Variants in AASS observed in about 807,000 individuals in gnomAD.
The protein encoded by AASS is alpha-aminoadipic semialdehyde synthase, mitochondrial.
A neutral mutation model predicts 105.4 loss-of-function variants in AASS; 86 were observed. That is an observed-to-expected ratio of 0.82 (90% confidence interval 0.69 to 0.98). AASS has a LOEUF of 0.98. Ranked by LOEUF, AASS falls within the 50% of genes least tolerant of loss-of-function variation. AASS has a pLI of 0.00. For missense variants in AASS, 1,048 were observed against 1,143.2 expected, an observed-to-expected ratio of 0.92 and a Z score of 1.20; for synonymous variants, 381 against 394.8, an observed-to-expected ratio of 0.96 and a Z score of 0.41.
intron 19 of AASS, among the ~76,000 whole-genome samples, chr7:122,083,806 G>A (rs905694102): frequency 6.6e-6 from 1 of 152,004 alleles, no homozygotes; most frequent in Non-Finnish European, 1.5e-5. Flanking sequence ...GGCAGAGAAG[G>A]AGAGTGGTCA....
intron 1 of AASS, among the ~76,000 whole-genome samples, chr7:122,142,870 G>A (rs1796466462): frequency 6.6e-6 from 1 of 152,098 alleles, no homozygotes. Context: ...AACGACTAGT[G>A]AGAAAAAAAA....
In AASS at chr7:122,076,557, CAT is replaced by C. The variant is rs752474166; in HGVS notation, c.2711_2712del (p.Tyr904TrpfsTer8). ...GCTTTAATTCGCTCCAATATTGGTC[CAT>C]AGATCTCCTTTGAAAAGGGCCCCAT... ...GLMGPFSKEIYGPILERIKAE... is the reference protein window; with the variant it reads ...GLMGPFSKEIXGPILERIKAE... On this transcript the variant is annotated frameshift_variant, in exon 24 of 24. Transcript: ENST00000417368. LOFTEE classifies it high-confidence loss of function. 2 of 1,613,724 alleles carry C rather than the reference CAT, an allele frequency of 1.2e-6. No individual in the cohort carries two copies. The highest frequency in any genetic ancestry group is 2.2e-5 in the East Asian group (1 of 44,876).
intron 3 of AASS, among the ~76,000 whole-genome samples, chr7:122,126,905 C>T (rs1053781121): frequency 1.3e-4 from 20 of 152,128 alleles, no homozygotes; most frequent in African/African-American, 4.6e-4. Flanking sequence ...TGAACTATTA[C>T]CTCTTTCTTG....
rs541850337 is a variant in AASS at position 122,082,176 on chromosome 7, ACT to A, written c.2185-583_2185-582del. On this transcript the variant is annotated intron_variant, in intron 19 of 23. Coordinates refer to ENST00000417368, the MANE Select transcript of AASS (RefSeq NM_005763.4). ...TTTTCTAAGATATGATGATATCATC[ACT>A]CTGATAAAAATTCCTCATATGTCCT... 1.6e-3 allele frequency among the ~76,000 whole-genome samples: 237 copies of A among 152,242 alleles called. 1 individual carries two copies. Among genetic ancestry groups the A allele is most frequent in the African/African-American group, 5.3e-3 (220 of 41,548 alleles).
At chr7:122,084,082 C>T (rs1237614222) in intron 19 of AASS, among the ~76,000 whole-genome samples, 2 of 151,962 alleles carry the variant, frequency 1.3e-5, no homozygotes, top group South Asian at 2.1e-4. Flanking sequence ...GCTATATATC[C>T]TAACTGCTGG....
intron 1 of AASS, among the ~76,000 whole-genome samples, chr7:122,135,296 G>A (rs1035132728): frequency 2.0e-5 from 3 of 148,432 alleles, no homozygotes; most frequent in Admixed American, 6.7e-5. Flanking sequence ...AAAACCAATC[G>A]ACCAAACAAA....
At chr7:122,108,691 A>G (rs1456439686) in intron 11 of AASS, among the ~76,000 whole-genome samples, 4 of 152,100 alleles carry the variant, frequency 2.6e-5, no homozygotes, top group Admixed American at 2.6e-4. Flanking sequence ...TAAAAGCCAT[A>G]TTTGACAGAC....
chr7:122,076,201 A>G lies in AASS; in HGVS notation c.*288T>C. ...AAAACAACAACAACAAAAAAAAAAC[A>G]AAAGAAAAAAAGTGGCACAATAAAT... On this transcript the variant is annotated 3_prime_UTR_variant, in exon 24 of 24. Transcript: ENST00000417368. 1 of 332,424 alleles carries G rather than the reference A, an allele frequency of 3.0e-6. No individual in the cohort carries two copies. The highest frequency in any genetic ancestry group is 3.2e-5 in the South Asian group (1 of 30,804). 20.6% of individuals were successfully genotyped at this position (332,424 alleles called of 1,614,324 possible).
intron 15 of AASS, among the ~76,000 whole-genome samples, chr7:122,093,973 G>A (rs955113861): frequency 1.3e-5 from 2 of 151,990 alleles, no homozygotes; most frequent in Non-Finnish European, 2.9e-5. Context: ...TATCTTATGC[G>A]ACCTAACACA....
chr7:122,116,517 G>T, intron 8 of AASS, 116 bp downstream of exon 8: 1 of 1,310,148 alleles, frequency 7.6e-7, no homozygotes, highest in Admixed American at 1.7e-5. Context: ...GATACCCAAA[G>T]GACTCACAAC....
In AASS at chr7:122,075,107, C is replaced by G. The variant is rs141700249; in HGVS notation, c.*1382G>C. Among the ~76,000 whole-genome samples the G allele has an allele frequency of 6.6e-6, 1 of 152,176 alleles. No individual in the cohort carries two copies. The highest frequency in any genetic ancestry group is 2.4e-5 in the African/African-American group (1 of 41,436). ...GTTTCCCAGGCTGGTCTCCTGGCCT[C>G]TAGCAGTCTTTCTGCCTCAGACTCC... On this transcript the variant is annotated 3_prime_UTR_variant, in exon 24 of 24. Transcript: ENST00000417368.
intron 11 of AASS, among the ~76,000 whole-genome samples, chr7:122,107,218 A>T (rs766296380): frequency 2.5e-4 from 38 of 152,166 alleles, no homozygotes; most frequent in Non-Finnish European, 4.9e-4. Flanking sequence ...AATGGATATT[A>T]CTAAAAGGTC....
chr7:122,137,095 C>T (rs1180777789), intron 1 of AASS, among the ~76,000 whole-genome samples: 1 of 152,188 alleles, frequency 6.6e-6, no homozygotes, highest in African/African-American at 2.4e-5. Flanking sequence ...ATTTCTGTAA[C>T]TTTCATTATT....
chr7:122,137,969 A>G (rs1487472428), intron 1 of AASS, among the ~76,000 whole-genome samples: 2 of 152,168 alleles, frequency 1.3e-5, no homozygotes, highest in African/African-American at 4.8e-5. Flanking sequence ...AGAGGGGGAA[A>G]AAAAGAGCTA....
intron 4 of AASS, among the ~76,000 whole-genome samples, chr7:122,124,712 A>C (rs1795580508): frequency 6.6e-6 from 1 of 152,214 alleles, no homozygotes; most frequent in Non-Finnish European, 1.5e-5. Flanking sequence ...GTGACTTCTA[A>C]ATAAATCAAC....
rs1278270088 is a variant in AASS at position 122,073,887 on chromosome 7, A to G, written c.*2602T>C. Among the ~76,000 whole-genome samples the G allele has an allele frequency of 1.3e-5, 2 of 152,106 alleles. No individual in the cohort carries two copies. Among genetic ancestry groups the G allele is most frequent in the Non-Finnish European group, 2.9e-5 (2 of 68,024 alleles). On this transcript the variant is annotated 3_prime_UTR_variant, in exon 24 of 24. Coordinates refer to ENST00000417368, the MANE Select transcript of AASS (RefSeq NM_005763.4). The stretch of plus-strand genomic sequence containing the variant: ...CTTGATATGTTTTCAAGGTTTTTCC[A>G]TGTTGTGGTGCATATCAGTACTTCA...
chr7:122,117,970 A>T (rs1795265159), intron 6 of AASS, among the ~76,000 whole-genome samples: 1 of 152,102 alleles, frequency 6.6e-6, no homozygotes. Flanking sequence ...TATCTCTTTT[A>T]AAAAAAGAAA....
At position 122,076,175 on chromosome 7, in the gene AASS, A is replaced by G. The variant is rs932644702; in HGVS notation, c.*314T>C. ...GGTGACAGAGCGAGACTCCATCTCA[A>G]AAAACAACAACAACAAAAAAAAAAC... On this transcript the variant is annotated 3_prime_UTR_variant, in exon 24 of 24. Coordinates refer to ENST00000417368, the MANE Select transcript of AASS (RefSeq NM_005763.4). 6.6e-6 allele frequency: 2 copies of G among 303,828 alleles called. No homozygotes were observed. Among genetic ancestry groups the G allele is most frequent in the African/African-American group, 2.2e-5 (1 of 44,796 alleles). 18.8% of individuals were successfully genotyped at this position (303,828 alleles called of 1,614,324 possible).
chr7:122,098,397 G>A, intron 15 of AASS, 53 bp downstream of exon 15: 1 of 1,602,954 alleles, frequency 6.2e-7, no homozygotes, highest in African/African-American at 1.3e-5. Flanking sequence ...AAAGAAAAAT[G>A]AGAAAAGAAA....
Sources: allele counts gnomAD v4.1 joint callset (sites outside exome capture counted in the v4.1 genomes callset), GRCh38; gene constraint gnomAD v4.1.1; transcripts MANE v1.5; gene names NCBI Gene and HGNC (gene_info 2026-07-23, HGNC 2026-07-21).